H4C15: variants seen among roughly 807,000 people sequenced by gnomAD.
The protein encoded by H4C15 is histone H4.
At chr1:149,858,656 G>C (rs1335538417), downstream of H4C15, among the ~76,000 whole-genome samples, 2 of 88,174 alleles carry the variant, frequency 2.3e-5, no homozygotes, top group Non-Finnish European at 4.5e-5. Flanking sequence ...AGGAAGGGAG[G>C]GAGGGAGGGA....
chr1:149,848,645 C>G, the H4C15 span: 1 of 152,176 alleles, frequency 6.6e-6, no homozygotes, highest in African/African-American at 2.4e-5. Flanking sequence ...GAACTAATCA[C>G]AGTAAGAAGC....
the H4C15 span, chr1:149,844,754 A>G: frequency 2.0e-5 from 3 of 151,110 alleles, no homozygotes; most frequent in African/African-American, 7.3e-5. Flanking sequence ...TTAAAAACAG[A>G]TTTTTTAGTT....
chr1:149,845,308 A>T, the H4C15 span: 1 of 152,260 alleles, frequency 6.6e-6, no homozygotes, highest in African/African-American at 2.4e-5. Flanking sequence ...TACAGCAGTA[A>T]ACAGAATAGA....
the H4C15 span, chr1:149,846,223 C>G: frequency 1.3e-5 from 2 of 152,154 alleles, no homozygotes; most frequent in Admixed American, 6.5e-5. Context: ...TATTCAACTT[C>G]AGTTTCAGCC....
the H4C15 span, chr1:149,847,395 T>C: frequency 1.3e-5 from 2 of 152,248 alleles, no homozygotes; most frequent in African/African-American, 4.8e-5. Context: ...TGTTGAAGTC[T>C]AACCCCTAGT....
At chr1:149,846,746 G>A in the H4C15 span, 1 of 152,126 alleles carries the variant, frequency 6.6e-6, no homozygotes, top group East Asian at 1.9e-4. Flanking sequence ...TTAAAAATAG[G>A]ATATTCTCCT....
the H4C15 span, chr1:149,846,465 ATACAT>A: frequency 1.3e-5 from 2 of 152,248 alleles, no homozygotes; most frequent in South Asian, 4.1e-4. Flanking sequence ...TAAAAATAAA[ATACAT>A]TATGAAAGTT....
downstream of H4C15, chr1:149,850,933 T>A: frequency 2.0e-5 from 1 of 48,846 alleles, no homozygotes; most frequent in South Asian, 1.2e-4. Context: ...GACGAGATTA[T>A]GTAAATGAGT....
downstream of H4C15, chr1:149,849,144 T>A (rs2092157829): frequency 6.6e-6 from 1 of 152,282 alleles, no homozygotes; most frequent in Non-Finnish European, 1.5e-5. Context: ...TAAATCCTGT[T>A]CCTCAGCCAC....
chr1:149,846,049 A>G, the H4C15 span: 2 of 152,180 alleles, frequency 1.3e-5, no homozygotes, highest in African/African-American at 2.4e-5. Context: ...TTAGGTTTGT[A>G]AGATCTCATA....
At chr1:149,849,654 C>T (rs893875621), downstream of H4C15, among the ~76,000 whole-genome samples, 1 of 152,160 alleles carries the variant, frequency 6.6e-6, no homozygotes, top group African/African-American at 2.4e-5. Flanking sequence ...ACAAGCTTTT[C>T]CGAGTGATAA....
downstream of H4C15, among the ~76,000 whole-genome samples, chr1:149,849,812 G>T (rs1434865964): frequency 1.3e-5 from 2 of 152,218 alleles, no homozygotes; most frequent in African/African-American, 4.8e-5. Flanking sequence ...GAGTGGTGGT[G>T]TAGGCACGTG....
chr1:149,846,903 A>G, the H4C15 span: 4 of 152,232 alleles, frequency 2.6e-5, no homozygotes, highest in Admixed American at 1.3e-4. Flanking sequence ...GCAACAAATT[A>G]CTACAAACTC....
At chr1:149,850,138 A>T, downstream of H4C15, 1 of 555,040 alleles carries the variant, frequency 1.8e-6, no homozygotes, top group Non-Finnish European at 3.2e-6. Context: ...GTAAGATACC[A>T]CTATCAATCT....
chr1:149,850,455 A>G, downstream of H4C15: 1 of 1,098,110 alleles, frequency 9.1e-7, no homozygotes, highest in Non-Finnish European at 1.3e-6. Context: ...GTGCTTGGCC[A>G]GCTCGCCGGG....
downstream of H4C15, chr1:149,850,183 AG>A: frequency 1.5e-6 from 1 of 679,518 alleles, no homozygotes; most frequent in Non-Finnish European, 2.6e-6. Flanking sequence ...CTATGTGAAA[AG>A]AAAATAGTTA....
At chr1:149,845,648 C>G in the H4C15 span, 1 of 152,198 alleles carries the variant, frequency 6.6e-6, no homozygotes, top group African/African-American at 2.4e-5. Flanking sequence ...CACGGAGGTG[C>G]TTGAGGGCTG....
chr1:149,848,016 T>C, the H4C15 span: 1 of 152,216 alleles, frequency 6.6e-6, no homozygotes, highest in East Asian at 1.9e-4. Flanking sequence ...CTTTGTGTTG[T>C]TTTACGCCAT....
downstream of H4C15, among the ~76,000 whole-genome samples, chr1:149,855,424 T>TGTGTGTGTG (rs1247381452): frequency 5.0e-5 from 7 of 141,296 alleles, no homozygotes; most frequent in Admixed American, 6.9e-5. Context: ...TGTGTGTGTG[T>TGTGTGTGTG]TTAGAGGGAA....
Sources: gnomAD v4.1 joint callset for allele counts (sites outside exome capture counted in the v4.1 genomes callset) on GRCh38, gnomAD v4.1.1 for gene constraint, MANE v1.5 for transcripts, NCBI Gene and HGNC (gene_info 2026-07-23, HGNC 2026-07-21) for gene names.